The following SLC12A7 variants were observed in gnomAD, a reference collection of about 807,000 sequenced individuals.
SLC12A7 encodes K-Cl cotransporter 4.
A neutral mutation model predicts 120.6 loss-of-function variants in SLC12A7; 100 were observed. That is an observed-to-expected ratio of 0.83 (90% CI 0.71 to 0.98). The LOEUF (loss-of-function observed/expected upper bound fraction) is 0.98, where lower values mean the gene tolerates loss of function less well. SLC12A7 is among the 50% of genes least tolerant of loss of function. The pLI is 0.00. For missense variants in SLC12A7, 1,373 were observed against 1,548.1 expected, an observed-to-expected ratio of 0.89 and a Z score of 1.90; for synonymous variants, 760 against 678.0, an observed-to-expected ratio of 1.12 and a Z score of -1.88.
At chr5:1,053,578 G>T in intron 22 of SLC12A7, 96 bp from the exon 23 acceptor site, 1 of 1,459,230 alleles carries the variant, frequency 6.9e-7, no homozygotes, top group Non-Finnish European at 9.3e-7. Context: ...ATTCACACGT[G>T]TTGGAAAGGG....
chr5:1,111,661 G>A (rs989886820), intron 1 of SLC12A7, among the ~76,000 whole-genome samples: 11 of 152,148 alleles, frequency 7.2e-5, no homozygotes, highest in African/African-American at 2.2e-4. Flanking sequence ...ACCGTACCGG[G>A]AGCCCTGGCA....
chr5:1,052,671 C>T (rs114571152), intron 23 of SLC12A7, among the ~76,000 whole-genome samples: 1,649 of 152,216 alleles, frequency 0.011, 28 homozygotes, highest in African/African-American at 0.037. Context: ...GAGGGAGCAC[C>T]GTGGCCACAG....
upstream of SLC12A7, among the ~76,000 whole-genome samples, chr5:1,116,846 T>C (rs575935425): frequency 6.6e-6 from 1 of 151,950 alleles, no homozygotes; most frequent in African/African-American, 2.4e-5. Context: ...CCCGTGAAGC[T>C]TGGGCAAATG....
chr5:1,080,241 A>T (rs62331181), intron 9 of SLC12A7, among the ~76,000 whole-genome samples: 17 of 1,524 alleles, frequency 0.011, 7 homozygotes, highest in South Asian at 0.12. Flanking sequence ...CGGAGACACC[A>T]GGAGCCACGC....
chr5:1,054,058 T>C (rs757367613), intron 22 of SLC12A7, among the ~76,000 whole-genome samples: 1 of 152,214 alleles, frequency 6.6e-6, no homozygotes, highest in Non-Finnish European at 1.5e-5. Flanking sequence ...CCGTTGCTGC[T>C]GAAGCTCCCA....
the SLC12A7 span, among the ~76,000 whole-genome samples, chr5:1,153,676 G>A: frequency 1.3e-5 from 2 of 152,190 alleles, no homozygotes; most frequent in African/African-American, 2.4e-5. Context: ...GCCTGAGGAC[G>A]CCCGAGAACC....
At chr5:1,102,179 A>G (rs756123794) in intron 1 of SLC12A7, among the ~76,000 whole-genome samples, 3 of 152,072 alleles carry the variant, frequency 2.0e-5, no homozygotes, top group Non-Finnish European at 4.4e-5. Context: ...AAGACCAGAC[A>G]CACGAGTGTC....
the SLC12A7 span, among the ~76,000 whole-genome samples, chr5:1,126,243 AT>A: frequency 7.9e-5 from 12 of 152,092 alleles, no homozygotes; most frequent in African/African-American, 1.2e-4. Flanking sequence ...ATGGGCCACC[AT>A]GCCCGGCTAA....
At chr5:1,130,626 C>CGGCTGCCCG in the SLC12A7 span, among the ~76,000 whole-genome samples, 1 of 151,906 alleles carries the variant, frequency 6.6e-6, no homozygotes, top group African/African-American at 2.4e-5. Context: ...AGGGTGGGGG[C>CGGCTGCCCG]AGCAGGGAGG....
At chr5:1,104,434 A>G (rs1742311117) in intron 1 of SLC12A7, among the ~76,000 whole-genome samples, 2 of 152,236 alleles carry the variant, frequency 1.3e-5, no homozygotes, top group Non-Finnish European at 2.9e-5. Context: ...CTACCCCACC[A>G]TGAGGACAGC....
intron 17 of SLC12A7, among the ~76,000 whole-genome samples, chr5:1,073,315 T>A (rs1382155415): frequency 1.3e-5 from 2 of 151,560 alleles, no homozygotes; most frequent in African/African-American, 4.9e-5. Flanking sequence ...CCAGTGAGCC[T>A]GAACAGCGGG....
At chr5:1,065,710 C>G (rs1245017766) in intron 17 of SLC12A7, among the ~76,000 whole-genome samples, 2 of 152,066 alleles carry the variant, frequency 1.3e-5, no homozygotes, top group Admixed American at 1.3e-4. Context: ...ACTGATGCCA[C>G]GTGCAGGGGA....
rs572727106 is a variant in SLC12A7 at position 1,054,740 on chromosome 5, C to T, written c.3027-1258G>A. Among the ~76,000 whole-genome samples the T allele has an allele frequency of 3.2e-4, 49 of 152,360 alleles. 1 individual carries two copies. The highest frequency in any genetic ancestry group is 3.4e-4 in the Non-Finnish European group (23 of 68,030). The stretch of plus-strand genomic sequence containing the variant: ...CTATCCAGGCTCACGCCCTTTGATC[C>T]GCTTGACGCTTAAGCCACATAAACG... On this transcript the variant is annotated intron_variant, in intron 22 of 23. Coordinates refer to ENST00000264930, the MANE Select transcript of SLC12A7 (RefSeq NM_006598.3).
intron 9 of SLC12A7, among the ~76,000 whole-genome samples, chr5:1,080,749 GAC>G (rs1738968893): frequency 1.3e-5 from 2 of 152,250 alleles, no homozygotes; most frequent in Non-Finnish European, 2.9e-5. Context: ...GTTTGAGGAG[GAC>G]ACAGAGGGCC....
At position 1,056,615 on chromosome 5, in the gene SLC12A7, CAA is replaced by C. The variant is rs541773310; in HGVS notation, c.3026+854_3026+855del. On this transcript the variant is annotated intron_variant, in intron 22 of 23. Coordinates refer to ENST00000264930, the MANE Select transcript of SLC12A7 (RefSeq NM_006598.3). ...CCATTCTCTATGCAGGAGAAAAAAA[CAA>C]GAGTGTGTTACTGACTTCAGGAGAG... is the stretch of plus-strand genomic sequence containing the variant. The C allele has an allele frequency of 2.8e-4, 274 of 984,412 alleles. No homozygotes were observed. The Admixed American group carries it at 6.2e-3, about 22-fold the overall frequency. The allele number at this position is 984,412 out of a possible 1,614,324, so 61.0% of individuals were successfully genotyped here. A position where few individuals can be genotyped will look rare whatever the true frequency, so the allele number is the denominator to read the frequency against.
At chr5:1,128,970 G>C in the SLC12A7 span, among the ~76,000 whole-genome samples, 1 of 152,212 alleles carries the variant, frequency 6.6e-6, no homozygotes, top group Non-Finnish European at 1.5e-5. Context: ...ACACCTGCCA[G>C]CTCTGCTTTC....
intron 17 of SLC12A7, among the ~76,000 whole-genome samples, chr5:1,069,998 C>T (rs1422474199): frequency 1.1e-5 from 1 of 88,520 alleles, no homozygotes; most frequent in African/African-American, 3.8e-5. Flanking sequence ...AACGCAGCCC[C>T]CAGTGAGCCC....
At chr5:1,056,313 G>A (rs1735604511) in intron 22 of SLC12A7, among the ~76,000 whole-genome samples, 1 of 152,200 alleles carries the variant, frequency 6.6e-6, no homozygotes, top group African/African-American at 2.4e-5. Context: ...ACACCTCCCA[G>A]GTCTCAGTTC....
chr5:1,062,064 G>T (rs1056591822), intron 20 of SLC12A7, among the ~76,000 whole-genome samples: 2 of 152,220 alleles, frequency 1.3e-5, no homozygotes, highest in Non-Finnish European at 2.9e-5. Flanking sequence ...CCCTGCCAGA[G>T]ACATGGCTGG....
Sources: allele counts gnomAD v4.1 joint callset (sites outside exome capture counted in the v4.1 genomes callset), GRCh38; gene constraint gnomAD v4.1.1; transcripts MANE v1.5; gene names NCBI Gene and HGNC (gene_info 2026-07-23, HGNC 2026-07-21).